XKR3: variants seen among roughly 807,000 people sequenced by gnomAD.
XKR3 encodes XK-related protein 3.
XKR3 carries 27 observed loss-of-function variants against 40.3 expected under a neutral mutation model. The ratio of observed to expected loss-of-function variants is 0.67; its 90% CI spans 0.49 to 0.92. The LOEUF (loss-of-function observed/expected upper bound fraction) is 0.92. Among genes scored for constraint, XKR3 ranks in the 40% least tolerant of loss-of-function variants. XKR3 has a pLI of 0.00. For missense variants in XKR3, 472 were observed against 537.6 expected (o/e 0.88, Z 1.21); for synonymous variants, 193 against 195.4 (o/e 0.99, Z 0.10).
intron 1 of XKR3, among the ~76,000 whole-genome samples, chr22:16,811,368 C>A (rs2110437): frequency 0.2 from 29,940 of 152,004 alleles, 3,629 homozygotes; most frequent in Middle Eastern, 0.3. Flanking sequence ...TCAGGTGGTC[C>A]ACCCACCTTG....
Position 16,784,369 on chromosome 22 carries a change from C to T in XKR3, c.630G>A (p.Gly210=), listed in dbSNP as rs757128063. 1.2e-5 allele frequency: 20 copies of T among 1,608,402 alleles called. No individual in the cohort carries two copies. Among genetic ancestry groups the T allele is most frequent in the Non-Finnish European group, 1.7e-5 (20 of 1,178,224 alleles). ...TGGCCAGTATATTGCAGCGAATGGC[C>T]CCATAAGTAACTGATAACAGGGAAA... ...MTFSLLSVTY[G]AIRCNILAIQ... is the part of the protein sequence containing the mutation. The change falls in exon 4 of 4, where the codon GGG becomes GGA. Residue 210 remains glycine (G), a synonymous_variant. Coordinates refer to ENST00000684488, the MANE Select transcript of XKR3 (RefSeq NM_001386955.1).
chr22:16,790,284 A>C (rs1211326152), intron 3 of XKR3, among the ~76,000 whole-genome samples: 1 of 150,352 alleles, frequency 6.7e-6, no homozygotes, highest in Non-Finnish European at 1.5e-5. Flanking sequence ...CAAAACCACA[A>C]GCAACAAAAC....
chr22:16,818,029 A>G (rs2060240884), intron 1 of XKR3, among the ~76,000 whole-genome samples: 1 of 152,108 alleles, frequency 6.6e-6, no homozygotes, highest in South Asian at 2.1e-4. Context: ...TCATTGACCT[A>G]TATTATTTAT....
At position 16,794,427 on chromosome 22, in the gene XKR3, T is replaced by TA. The variant is rs575401006; in HGVS notation, c.589+5343dup. ...GAGACTGGTGGCCTATTTTCAACAT[T>TA]AAAAAAAAAAATCCAAGAATTTTAT... On this transcript the variant is annotated intron_variant, in intron 3 of 3. Transcript: ENST00000684488. 4.6e-3 allele frequency among the ~76,000 whole-genome samples: 673 copies of TA among 146,232 alleles called. 6 individuals are homozygous for TA. Among genetic ancestry groups the TA allele is most frequent in the African/African-American group, 0.014 (565 of 40,156 alleles).
chr22:16,784,478 C>A, intron 3 of XKR3, 69 bp from the exon 4 acceptor site: 1 of 1,391,730 alleles, frequency 7.2e-7, no homozygotes, highest in Non-Finnish European at 9.6e-7. Flanking sequence ...CTTTTTTAAA[C>A]TTGCCATTTT....
chr22:16,815,420 A>G (rs1317548309), intron 1 of XKR3, among the ~76,000 whole-genome samples: 4 of 151,982 alleles, frequency 2.6e-5, no homozygotes, highest in East Asian at 1.9e-4. Context: ...TTCTTCTACA[A>G]TCTTTCTCTA....
intron 1 of XKR3, among the ~76,000 whole-genome samples, chr22:16,814,298 A>T (rs1301280260): frequency 6.6e-6 from 1 of 152,052 alleles, no homozygotes; most frequent in East Asian, 1.9e-4. Context: ...TCATTTACTT[A>T]TCTTGGTACC....
intron 1 of XKR3, among the ~76,000 whole-genome samples, chr22:16,812,035 A>T (rs945178154): frequency 2.0e-5 from 3 of 152,070 alleles, no homozygotes; most frequent in African/African-American, 7.2e-5. Context: ...AAAAAACAAC[A>T]AACAAAGACA....
chr22:16,824,766 C>A (rs1411450622), intron 1 of XKR3, among the ~76,000 whole-genome samples: 1 of 152,164 alleles, frequency 6.6e-6, no homozygotes, highest in East Asian at 1.9e-4. Context: ...TTTGGACTCA[C>A]AGAAGGACCT....
At position 16,799,295 on chromosome 22, in the gene XKR3, T is replaced by A. The variant is rs1390729607; in HGVS notation, c.589+476A>T. 5.3e-5 allele frequency among the ~76,000 whole-genome samples: 8 copies of A among 150,722 alleles called. No individual in the cohort carries two copies. The East Asian group carries it at 1.6e-3, about 30-fold the overall frequency. On this transcript the variant is annotated intron_variant, in intron 3 of 3. Coordinates refer to ENST00000684488, the MANE Select transcript of XKR3 (RefSeq NM_001386955.1). ...CGGGCATGGTGGCGGGCACCTGTAG[T>A]CCCAGCTACTCAGGAGGCTGAGTCA... is the stretch of plus-strand genomic sequence containing the variant.
At chr22:16,803,485 G>A (rs1030488314) in intron 2 of XKR3, among the ~76,000 whole-genome samples, 4 of 152,202 alleles carry the variant, frequency 2.6e-5, no homozygotes, top group Non-Finnish European at 5.9e-5. Context: ...TGCATTCCCA[G>A]ATATTTAAAG....
At chr22:16,802,237 ATCTC>A (rs1364200644) in intron 2 of XKR3, among the ~76,000 whole-genome samples, 1 of 152,192 alleles carries the variant, frequency 6.6e-6, no homozygotes, top group Non-Finnish European at 1.5e-5. Context: ...ATCATTTATT[ATCTC>A]TATCTTCTGA....
chr22:16,820,203 A>G (rs1216295097), intron 1 of XKR3, among the ~76,000 whole-genome samples: 2 of 152,184 alleles, frequency 1.3e-5, no homozygotes, highest in Admixed American at 1.3e-4. Flanking sequence ...ACTGTACATG[A>G]AGGTATAAGG....
intron 3 of XKR3, among the ~76,000 whole-genome samples, chr22:16,790,228 A>C (rs1487575326): frequency 7.0e-6 from 1 of 142,878 alleles, no homozygotes; most frequent in African/African-American, 2.6e-5. Context: ...AAACTTAATG[A>C]CCTTGGTCTG....
At chr22:16,816,150 A>G (rs2060232266) in intron 1 of XKR3, among the ~76,000 whole-genome samples, 1 of 151,944 alleles carries the variant, frequency 6.6e-6, no homozygotes, top group Non-Finnish European at 1.5e-5. Flanking sequence ...GGAAGCATTT[A>G]CATCTAATAT....
chr22:16,807,640 C>T (rs1469719780), intron 2 of XKR3, 99 bp downstream of exon 2: 13 of 1,117,380 alleles, frequency 1.2e-5, no homozygotes, highest in Admixed American at 2.5e-5. Flanking sequence ...ATTTCAATTC[C>T]GTAAACGATA....
At chr22:16,813,791 A>G (rs915474882) in intron 1 of XKR3, among the ~76,000 whole-genome samples, 1 of 152,172 alleles carries the variant, frequency 6.6e-6, no homozygotes, top group African/African-American at 2.4e-5. Flanking sequence ...TCCCACTAGC[A>G]ATTGGATGAG....
intron 2 of XKR3, among the ~76,000 whole-genome samples, chr22:16,807,311 A>G (rs1363401383): frequency 6.6e-6 from 1 of 152,202 alleles, no homozygotes. Flanking sequence ...CTGGAAAATT[A>G]CCACTAAAAA....
chr22:16,793,398 T>C (rs1242287518), intron 3 of XKR3, among the ~76,000 whole-genome samples: 1 of 152,226 alleles, frequency 6.6e-6, no homozygotes, highest in Non-Finnish European at 1.5e-5. Context: ...ACTTACATAT[T>C]CCCCCAAAGG....
Sources: allele counts gnomAD v4.1 joint callset (sites outside exome capture counted in the v4.1 genomes callset), GRCh38; gene constraint gnomAD v4.1.1; transcripts MANE v1.5; gene names NCBI Gene and HGNC (gene_info 2026-07-23, HGNC 2026-07-21).